ITGB4: variants seen among roughly 807,000 people sequenced by gnomAD.
ITGB4 encodes the protein integrin beta-4.
In ITGB4, 159 loss-of-function variants were observed where a neutral mutation model predicts 207.6. The ratio of observed to expected loss-of-function variants is 0.77; its 90% CI spans 0.67 to 0.87. The LOEUF (loss-of-function observed/expected upper bound fraction) is 0.87, where lower values mean the gene tolerates loss of function less well. Ranked by LOEUF, ITGB4 falls within the 40% of genes least tolerant of loss-of-function variation. The pLI is 0.00. For synonymous variants in ITGB4, 1,020 were observed against 1,062.7 expected (o/e 0.96, Z 0.78); for missense variants, 2,278 against 2,546.8 (o/e 0.89, Z 2.27).
intron 18 of ITGB4, among the ~76,000 whole-genome samples, chr17:75,738,849 G>T (rs190678846): frequency 1.3e-5 from 2 of 152,182 alleles, no homozygotes; most frequent in African/African-American, 4.8e-5. Flanking sequence ...ACGGCTGCGC[G>T]TGCCTGTAGT....
chr17:75,732,035 G>A lies in ITGB4; in HGVS notation c.1377+62G>A. On this transcript the variant is annotated intron_variant, in intron 11 of 39. Coordinates refer to ENST00000200181, the MANE Select transcript of ITGB4 (RefSeq NM_000213.5). The surrounding 1 kb of genome is among the most constrained non-coding windows in gnomAD (Gnocchi z 5.3). ...GAGCCAAGCACCCAGGGACCCTGAG[G>A]AATGAAGCAGGACTCCTGTGCCCCA... 6.2e-7 allele frequency: 1 copy of A among 1,612,176 alleles called. No homozygotes were observed. The highest frequency in any genetic ancestry group is 8.5e-7 in the Non-Finnish European group (1 of 1,178,776).
Position 75,731,081 on chromosome 17 carries a change from G to A in ITGB4, c.1092+117G>A. The A allele has an allele frequency of 1.4e-6, 2 of 1,403,924 alleles. No homozygotes were observed. The highest frequency in any genetic ancestry group is 2.0e-6 in the Non-Finnish European group (2 of 1,002,250). The allele number at this position is 1,403,924 out of a possible 1,614,324, so 87.0% of individuals were successfully genotyped here. ...AGAAATGGGTCTGGGACAGACCAGT[G>A]AGGAAGGGTCTCTAGCTATCCCTGA... On this transcript the variant is annotated intron_variant, in intron 9 of 39. Transcript: ENST00000200181. The surrounding 1 kb of genome is among the most constrained non-coding windows in gnomAD (Gnocchi z 6.8).
chr17:75,734,654 A>G (rs1369426720), intron 13 of ITGB4, among the ~76,000 whole-genome samples: 2 of 152,152 alleles, frequency 1.3e-5, no homozygotes, highest in Non-Finnish European at 2.9e-5. Flanking sequence ...TGAAGCCCTC[A>G]CTGTATACTT....
intron 13 of ITGB4, among the ~76,000 whole-genome samples, chr17:75,735,341 G>C (rs2060949839): frequency 1.3e-5 from 2 of 151,636 alleles, no homozygotes; most frequent in African/African-American, 4.9e-5. Context: ...TCCCGCCTCG[G>C]CCTCCCAAAG....
intron 6 of ITGB4, among the ~76,000 whole-genome samples, chr17:75,728,950 C>G (rs1599222962): frequency 6.9e-6 from 1 of 145,330 alleles, no homozygotes; most frequent in South Asian, 2.2e-4. Context: ...CGCCACTGCA[C>G]TCCAGCCTGG....
Position 75,729,401 on chromosome 17 carries a change from G to A in ITGB4, c.703G>A (p.Gly235Ser), listed in dbSNP as rs751671168. Residue 235 changes from glycine to serine, a missense_variant, in exon 7 of 40, where the codon GGC becomes AGC. Gly to Ser is a moderately conservative substitution (Grantham distance 56). Coordinates refer to ENST00000200181, the MANE Select transcript of ITGB4 (RefSeq NM_000213.5). This position sits in a 1 kb window ranked among gnomAD's most constrained non-coding sequence, Gnocchi z 4.4. ...ISGNLDAPEG[G>S]FDAILQTAVC... ...AGGCAACCTGGATGCTCCTGAGGGCGGCTTCGATGCCATCCTGCAGACAGC... is the reference window on the plus strand; with the variant it reads ...AGGCAACCTGGATGCTCCTGAGGGCAGCTTCGATGCCATCCTGCAGACAGC... 51 of 1,613,992 alleles carry A rather than the reference G, an allele frequency of 3.2e-5. No individual in the cohort carries two copies. The highest frequency in any genetic ancestry group is 2.2e-4 in the Admixed American group (13 of 59,994).
In ITGB4 at chr17:75,740,188, C is replaced by T; in HGVS notation, c.2446+117C>T. On this transcript the variant is annotated intron_variant, in intron 20 of 39. Coordinates refer to ENST00000200181, the MANE Select transcript of ITGB4 (RefSeq NM_000213.5). This position sits in a 1 kb window ranked among gnomAD's most constrained non-coding sequence, Gnocchi z 5.9. ...GTGGGGTGCAGGCACAGGGCTCAGC[C>T]ACCTTTTGCCCTGTGCTGATGGTGC... The T allele has an allele frequency of 7.8e-7, 1 of 1,275,336 alleles. No homozygotes were observed. Among genetic ancestry groups the T allele is most frequent in the Non-Finnish European group, 1.1e-6 (1 of 916,620 alleles). The allele number at this position is 1,275,336 out of a possible 1,614,324, so 79.0% of individuals were successfully genotyped here.
chr17:75,754,925 C>A (rs1389089698), intron 34 of ITGB4, 110 bp downstream of exon 34: 1 of 1,541,436 alleles, frequency 6.5e-7, no homozygotes, highest in Admixed American at 1.7e-5. Context: ...CCAACATACA[C>A]ACACGCATGC....
rs114287005 is a variant in ITGB4 at position 75,726,358 on chromosome 17, C to T, written c.80-837C>T. Among the ~76,000 whole-genome samples the T allele has an allele frequency of 3.3e-3, 499 of 152,116 alleles. 3 individuals carry two copies. Among genetic ancestry groups the T allele is most frequent in the African/African-American group, 0.011 (477 of 41,488 alleles). ...GGAGGATTGCCTGAGCCCAGGATGT[C>T]GAGACTGCAGTGAGCTGTGATCATG... On this transcript the variant is annotated intron_variant, in intron 2 of 39. Transcript: ENST00000200181.
intron 25 of ITGB4, 57 bp from the exon 26 acceptor site, chr17:75,743,656 G>C (rs1568368312): frequency 6.2e-7 from 1 of 1,612,000 alleles, no homozygotes; most frequent in Non-Finnish European, 8.5e-7. Flanking sequence ...CAGGAGAGCA[G>C]GAGGTGGGAA....
intron 1 of ITGB4, 39 bp downstream of exon 1, chr17:75,721,651 C>G (rs2060619594): frequency 6.5e-6 from 1 of 152,944 alleles, no homozygotes; most frequent in South Asian, 2.1e-4. Flanking sequence ...CGCAGGGGAG[C>G]TGGTCGGGCA....
Position 75,728,603 on chromosome 17 carries a change from C to A in ITGB4, c.566+130C>A, listed in dbSNP as rs1160836221. ...GTGGCTCATGCCTGTAATCCCAGCACTTTGGGAGACCAGGGCGGGCAGATC... is the reference window on the plus strand; with the variant it reads ...GTGGCTCATGCCTGTAATCCCAGCAATTTGGGAGACCAGGGCGGGCAGATC... On this transcript the variant is annotated intron_variant, in intron 6 of 39. Transcript: ENST00000200181. The A allele has an allele frequency of 5.4e-6, 4 of 740,464 alleles. No individual in the cohort carries two copies. The East Asian group carries it at 1.1e-4, about 21-fold the overall frequency. The allele number at this position is 740,464 out of a possible 1,614,324, so 45.9% of individuals were successfully genotyped here.
At chr17:75,723,298 T>C (rs1384122403) in intron 1 of ITGB4, among the ~76,000 whole-genome samples, 1 of 152,142 alleles carries the variant, frequency 6.6e-6, no homozygotes, top group East Asian at 1.9e-4. Flanking sequence ...CCTGGGCTCA[T>C]ATGGCAGTCA....
rs1257249313 is a variant in ITGB4, at chr17:75,742,723, G to C, written c.2924G>C (p.Gly975Ala). Residue 975 changes from glycine (G) to alanine (A), a missense_variant, in exon 25 of 40, where the codon GGC (glycine) becomes GCC (alanine). Transcript: ENST00000200181. The surrounding 1 kb of genome is among the most constrained non-coding windows in gnomAD (Gnocchi z 5.9). ...GTGCCCGCAGGCACTGCCACCCTCG[G>C]CCGCCGCCTGGTAAACATCACCATC... ...IDVPAGTATLGRRLVNITIIK... is the reference protein window; with the variant it reads ...IDVPAGTATLARRLVNITIIK... The C allele has an allele frequency of 6.2e-7, 1 of 1,612,810 alleles. No individual in the cohort carries two copies. Among genetic ancestry groups the C allele is most frequent in the South Asian group, 1.1e-5 (1 of 91,066 alleles).
intron 8 of ITGB4, 144 bp downstream of exon 8, chr17:75,730,648 T>C (rs893052811): frequency 6.4e-5 from 68 of 1,069,360 alleles, no homozygotes; most frequent in Non-Finnish European, 8.8e-5. Context: ...CCTTCCTCCC[T>C]TCCCAAAGCC....
rs1440596207 is a variant in ITGB4 at position 75,742,260 on chromosome 17, G to A, written c.2634-81G>A. The A allele has an allele frequency of 3.2e-6, 5 of 1,571,538 alleles. No individual in the cohort carries two copies. The highest frequency in any genetic ancestry group is 4.4e-6 in the Non-Finnish European group (5 of 1,145,824). On this transcript the variant is annotated intron_variant, in intron 23 of 39. Transcript: ENST00000200181. This position sits in a 1 kb window ranked among gnomAD's most constrained non-coding sequence, Gnocchi z 5.9. ...CTGTCTTACATCCTGGCCCCTGAAG[G>A]GGAGAAGACAGGCAGGAGGGACAGG...
At chr17:75,743,936 G>C (rs1027627199) in intron 26 of ITGB4, 75 bp downstream of exon 26, 5 of 1,449,484 alleles carry the variant, frequency 3.4e-6, no homozygotes, top group Non-Finnish European at 4.7e-6. Context: ...CCAAGACAAA[G>C]CAGCACATGG....
chr17:75,743,178 G>A (rs2061155262), intron 25 of ITGB4, among the ~76,000 whole-genome samples: 2 of 151,926 alleles, frequency 1.3e-5, no homozygotes, highest in African/African-American at 4.8e-5. Context: ...CCCGTGACTG[G>A]CCTCCCTCCT....
At chr17:75,753,093 T>G (rs548053530) in intron 32 of ITGB4, among the ~76,000 whole-genome samples, 2 of 152,384 alleles carry the variant, frequency 1.3e-5, no homozygotes, top group East Asian at 3.9e-4. Context: ...TCACTCATCC[T>G]TTCCATGCCT....
Sources: gnomAD v4.1 joint callset for allele counts (sites outside exome capture counted in the v4.1 genomes callset) on GRCh38, gnomAD v4.1.1 for gene constraint, Gnocchi (gnomAD v3.1) non-coding constraint, MANE v1.5 for transcripts, NCBI Gene and HGNC (gene_info 2026-07-23, HGNC 2026-07-21) for gene names.